ATP2B2: variants seen among roughly 807,000 people sequenced by gnomAD.
ATP2B2 encodes plasma membrane calcium-transporting ATPase 2.
Under a neutral mutation model 120.0 loss-of-function variants are expected in ATP2B2, and 15 were observed. The ratio of observed to expected loss-of-function variants is 0.12; its 90% CI spans 0.08 to 0.19. The LOEUF is 0.19. Ranked by LOEUF, ATP2B2 falls within the 10% of genes least tolerant of loss-of-function variation. The pLI is 1.00. For synonymous variants in ATP2B2, 694 were observed against 700.3 expected, an observed-to-expected ratio of 0.99 and a Z score of 0.14; for missense variants, 1,045 against 1,719.8, an observed-to-expected ratio of 0.61 and a Z score of 6.94.
rs759770648 is a variant in ATP2B2, at chr3:10,328,769, C to T, written c.*45G>A. ...GGATGGGTGCCCGGAAAGCGGGTGG[C>T]AGCGGGGTCCATGAGGGCGGGCGGG... is the stretch of plus-strand genomic sequence containing the variant. On this transcript the variant is annotated 3_prime_UTR_variant, in exon 23 of 23. Transcript: ENST00000360273. 1.0e-5 allele frequency: 16 copies of T among 1,555,374 alleles called. No homozygotes were observed. The South Asian group carries it at 1.8e-4, about 18-fold the overall frequency.
chr3:10,646,465 T>C (rs1436745478), intron 1 of ATP2B2, among the ~76,000 whole-genome samples: 1 of 152,134 alleles, frequency 6.6e-6, no homozygotes, highest in Non-Finnish European at 1.5e-5. Flanking sequence ...TGGCTTCCTG[T>C]GACGTTTGCG....
At chr3:10,352,566 C>T (rs1266662902) in intron 14 of ATP2B2, among the ~76,000 whole-genome samples, 3 of 152,224 alleles carry the variant, frequency 2.0e-5, no homozygotes, top group African/African-American at 7.2e-5. Context: ...GACCACCAGC[C>T]TCCTCTGGGG....
At chr3:10,467,187 TGTCCTTGGATC>T (rs1318579346) in intron 1 of ATP2B2, among the ~76,000 whole-genome samples, 1 of 152,244 alleles carries the variant, frequency 6.6e-6, no homozygotes, top group Non-Finnish European at 1.5e-5. Flanking sequence ...GGGTTGTCTG[TGTCCTTGGATC>T]AGACAGAGTA....
intron 16 of ATP2B2, 57 bp downstream of exon 16, chr3:10,350,055 C>A: frequency 6.4e-7 from 1 of 1,564,360 alleles, no homozygotes; most frequent in Non-Finnish European, 8.8e-7. Context: ...GAGAGGAGGG[C>A]CCAGCTTCTG....
intron 1 of ATP2B2, among the ~76,000 whole-genome samples, chr3:10,694,530 A>C (rs2071713625): frequency 6.6e-6 from 1 of 152,168 alleles, no homozygotes; most frequent in African/African-American, 2.4e-5. Context: ...GGGTGGATGG[A>C]CCACAGCTGT....
intron 3 of ATP2B2, among the ~76,000 whole-genome samples, chr3:10,532,089 C>A (rs1427893912): frequency 1.3e-5 from 2 of 151,330 alleles, no homozygotes; most frequent in African/African-American, 4.9e-5. Flanking sequence ...GTTTCTCAAA[C>A]ATTGATCGGA....
intron 2 of ATP2B2, among the ~76,000 whole-genome samples, chr3:10,540,239 A>G (rs1310810158): frequency 1.3e-5 from 2 of 152,146 alleles, no homozygotes; most frequent in African/African-American, 2.4e-5. Context: ...GAGAGGATGT[A>G]GAGAAATAGG....
intron 1 of ATP2B2, among the ~76,000 whole-genome samples, chr3:10,493,518 GACTTGTT>G (rs2125374989): frequency 6.6e-6 from 1 of 152,222 alleles, no homozygotes; most frequent in Admixed American, 6.5e-5. Flanking sequence ...AAGGAGTCTC[GACTTGTT>G]CCTGTACATC....
At chr3:10,602,050 G>T (rs1044059804) in intron 2 of ATP2B2, among the ~76,000 whole-genome samples, 2 of 152,220 alleles carry the variant, frequency 1.3e-5, no homozygotes, top group African/African-American at 4.8e-5. Context: ...CCCCGCGCCT[G>T]CAGAGGAAGA....
chr3:10,601,834 C>T (rs369738494), intron 2 of ATP2B2, among the ~76,000 whole-genome samples: 46 of 152,346 alleles, frequency 3.0e-4, no homozygotes, highest in African/African-American at 1.1e-3. Flanking sequence ...CTGAGGGGAG[C>T]CCCACTAGGA....
At chr3:10,336,100 A>C in intron 22 of ATP2B2, 1 of 1,547,844 alleles carries the variant, frequency 6.5e-7, no homozygotes, top group Non-Finnish European at 8.7e-7. Context: ...GGGCAGTGCC[A>C]GCCGGAGGCA....
Position 10,402,049 on chromosome 3 carries a change from G to A in ATP2B2, c.655+42C>T, listed in dbSNP as rs1190290826. 1 of 1,609,570 alleles carries A rather than the reference G, an allele frequency of 6.2e-7. No homozygotes were observed. Reference sequence around the variant, plus strand: ...AGCCTGGCCTGTCCCACCTCTGCCGGAATCCAGCTTTAGAACCTGGCTCTG... The same window carrying A: ...AGCCTGGCCTGTCCCACCTCTGCCGAAATCCAGCTTTAGAACCTGGCTCTG... On this transcript the variant is annotated intron_variant, in intron 4 of 22. Coordinates refer to ENST00000360273, the MANE Select transcript of ATP2B2 (RefSeq NM_001001331.4). This position sits in a 1 kb window ranked among gnomAD's most constrained non-coding sequence, Gnocchi z 4.9.
chr3:10,354,542 C>A (rs1290029632), intron 14 of ATP2B2, among the ~76,000 whole-genome samples: 1 of 152,160 alleles, frequency 6.6e-6, no homozygotes, highest in Non-Finnish European at 1.5e-5. Flanking sequence ...GCTTCAAACA[C>A]CCCCGGATAA....
chr3:10,344,034 C>T (rs2060359076), intron 18 of ATP2B2, among the ~76,000 whole-genome samples: 1 of 152,084 alleles, frequency 6.6e-6, no homozygotes, highest in Non-Finnish European at 1.5e-5. Context: ...CCACTCATCA[C>T]CTCCCAGGTT....
chr3:10,656,616 C>A (rs773125849), intron 1 of ATP2B2, among the ~76,000 whole-genome samples: 2 of 152,210 alleles, frequency 1.3e-5, no homozygotes, highest in African/African-American at 2.4e-5. Context: ...CTGCTAAAGG[C>A]ACTTGGGATG....
chr3:10,474,756 G>A (rs897053967), intron 1 of ATP2B2, among the ~76,000 whole-genome samples: 2 of 152,218 alleles, frequency 1.3e-5, no homozygotes, highest in Non-Finnish European at 1.5e-5. Flanking sequence ...TGCCATAAAT[G>A]CCCTCCCATG....
chr3:10,634,466 C>T (rs774710903), intron 1 of ATP2B2, among the ~76,000 whole-genome samples: 29 of 152,220 alleles, frequency 1.9e-4, no homozygotes, highest in Non-Finnish European at 2.9e-4. Flanking sequence ...ACACAGCTTC[C>T]ATGGCCTCTC....
chr3:10,526,420 G>C (rs574278743), intron 3 of ATP2B2, among the ~76,000 whole-genome samples: 1 of 152,330 alleles, frequency 6.6e-6, no homozygotes, highest in African/African-American at 2.4e-5. Flanking sequence ...GAGCTCTGCA[G>C]TTCCCTGACA....
intron 1 of ATP2B2, among the ~76,000 whole-genome samples, chr3:10,464,241 C>A (rs2064633365): frequency 6.6e-6 from 1 of 152,168 alleles, no homozygotes; most frequent in South Asian, 2.1e-4. Flanking sequence ...GCAGCCGAGT[C>A]CTCGCGACAG....
Sources: gnomAD v4.1 joint callset for allele counts (sites outside exome capture counted in the v4.1 genomes callset) on GRCh38, gnomAD v4.1.1 for gene constraint, Gnocchi (gnomAD v3.1) non-coding constraint, MANE v1.5 for transcripts, NCBI Gene and HGNC (gene_info 2026-07-23, HGNC 2026-07-21) for gene names.